The following ZNF423 variants were observed in gnomAD, a reference collection of about 807,000 sequenced individuals.
ZNF423 encodes zinc finger protein 423.
In ZNF423, 12 loss-of-function variants were observed where a neutral mutation model predicts 95.8. The ratio of observed to expected loss-of-function variants is 0.13; its 90% CI spans 0.08 to 0.20. The LOEUF (loss-of-function observed/expected upper bound fraction) is 0.20. ZNF423 is among the 10% of genes least tolerant of loss of function. ZNF423 has a pLI of 1.00. For synonymous variants in ZNF423, 749 were observed against 711.9 expected, an observed-to-expected ratio of 1.05 and a Z score of -0.83; for missense variants, 1,316 against 1,737.1, an observed-to-expected ratio of 0.76 and a Z score of 4.31.
At chr16:49,699,203 G>C (rs187032057) in intron 3 of ZNF423, among the ~76,000 whole-genome samples, 21 of 152,310 alleles carry the variant, frequency 1.4e-4, no homozygotes, top group Admixed American at 3.9e-4. Context: ...CTGACGTCAG[G>C]GGGTAATTGG....
At position 49,786,008 on chromosome 16, in the gene ZNF423, A is replaced by G. The variant is rs113046106; in HGVS notation, c.100+3479T>C. On this transcript the variant is annotated intron_variant, in intron 2 of 7. Transcript: ENST00000563137. The stretch of plus-strand genomic sequence containing the variant: ...ACCTGTGACTCAAAACAGGTTAAGA[A>G]CTCCTCCAGCTCCACACCTCCAAGG... Among the ~76,000 whole-genome samples, 475 of 151,800 alleles carry G rather than the reference A, an allele frequency of 3.1e-3. 4 individuals carry two copies. The highest frequency in any genetic ancestry group is 0.011 in the African/African-American group (458 of 41,348).
At chr16:49,683,781 A>G (rs2031460502) in intron 3 of ZNF423, among the ~76,000 whole-genome samples, 1 of 151,754 alleles carries the variant, frequency 6.6e-6, no homozygotes, top group East Asian at 1.9e-4. Context: ...TGTCTCTACA[A>G]AAAATTTAAA....
At position 49,638,761 on chromosome 16, in the gene ZNF423, C is replaced by G; in HGVS notation, c.415G>C (p.Glu139Gln). 6.2e-7 allele frequency: 1 copy of G among 1,614,152 alleles called. No individual in the cohort carries two copies. The highest frequency in any genetic ancestry group is 8.5e-7 in the Non-Finnish European group (1 of 1,180,046). The change falls in exon 4 of 8, where the codon GAA becomes CAA. Residue 139 changes from glutamate (E) to glutamine (Q), a missense_variant. Transcript: ENST00000563137. This position sits in a 1 kb window ranked among gnomAD's most constrained non-coding sequence, Gnocchi z 5.6. ...GGGTATGGCAGGCCCGTGCCCCCTT[C>G]CTCCTCGCCGAGGCCGAGGTCACAA... ...DGCDLGLGEE[E>Q]GGTGLPYPCQ... is the part of the protein sequence containing the mutation.
chr16:49,516,640 C>G (rs977110219), intron 7 of ZNF423, among the ~76,000 whole-genome samples: 9 of 152,228 alleles, frequency 5.9e-5, no homozygotes, highest in Non-Finnish European at 1.2e-4. Context: ...ACACTTCTAC[C>G]GACAGGGACC....
intron 3 of ZNF423, among the ~76,000 whole-genome samples, chr16:49,662,220 C>T (rs886321033): frequency 1.3e-5 from 2 of 152,182 alleles, no homozygotes; most frequent in Non-Finnish European, 2.9e-5. Context: ...CTCTGGTCCA[C>T]CCCAAAAAGT....
intron 5 of ZNF423, among the ~76,000 whole-genome samples, chr16:49,551,777 C>T (rs780195955): frequency 1.3e-5 from 2 of 152,164 alleles, no homozygotes; most frequent in Non-Finnish European, 2.9e-5. Context: ...GGAAGGGACA[C>T]CGAAAACGGG....
intron 3 of ZNF423, among the ~76,000 whole-genome samples, chr16:49,677,302 A>AAGG (rs1567284087): frequency 1.2e-4 from 9 of 75,062 alleles, no homozygotes; most frequent in Non-Finnish European, 1.9e-4. Flanking sequence ...AGAAGAGAAG[A>AAGG]GAAGAGAAAG....
At position 49,691,071 on chromosome 16, in the gene ZNF423, G is replaced by C. The variant is rs72780336; in HGVS notation, c.301+39700C>G. On this transcript the variant is annotated intron_variant, in intron 3 of 7. Transcript: ENST00000563137. ...TTCTCAGAAGCAGCCGTCGGAGGGG[G>C]CTGAGCGGCCCTTAGTGGGGAAGAA... 4.0e-3 allele frequency among the ~76,000 whole-genome samples: 610 copies of C among 152,364 alleles called. 4 individuals are homozygous for C. Among genetic ancestry groups the C allele is most frequent in the Non-Finnish European group, 7.6e-3 (517 of 68,034 alleles).
intron 3 of ZNF423, among the ~76,000 whole-genome samples, chr16:49,661,766 G>A (rs777917200): frequency 1.3e-5 from 2 of 152,182 alleles, no homozygotes; most frequent in Non-Finnish European, 2.9e-5. Context: ...GCTGCATTCC[G>A]GGGGCATCAG....
At chr16:49,693,018 A>G (rs910231189) in intron 3 of ZNF423, among the ~76,000 whole-genome samples, 5 of 152,286 alleles carry the variant, frequency 3.3e-5, no homozygotes, top group Admixed American at 6.5e-5. Context: ...GGCAAACATT[A>G]TGATGTATTC....
chr16:49,638,605 G>A lies in ZNF423; in HGVS notation c.571C>T (p.Arg191Trp). 1 of 1,613,858 alleles carries A rather than the reference G, an allele frequency of 6.2e-7. No homozygotes were observed. The highest frequency in any genetic ancestry group is 8.5e-7 in the Non-Finnish European group (1 of 1,179,950). Residue 191 changes from arginine (R) to tryptophan (W), a missense_variant, in exon 4 of 8, where the codon CGG becomes TGG. This residue lies in a region of ZNF423 where 58 missense variants were observed against 116.9 expected (regional missense o/e 0.50). Coordinates refer to ENST00000563137, the MANE Select transcript of ZNF423 (RefSeq NM_001379286.1). The surrounding 1 kb of genome is among the most constrained non-coding windows in gnomAD (Gnocchi z 5.6). The part of the protein sequence containing the change: ...RLFKHKRSRD[R>W]HIKLHTGDKK... ...TCGCCCGTATGCAGCTTGATGTGCC[G>A]GTCACGGCTCCTCTTGTGCTTGAAG...
At chr16:49,845,549 G>C (rs1243514169) in intron 1 of ZNF423, among the ~76,000 whole-genome samples, 3 of 150,108 alleles carry the variant, frequency 2.0e-5, no homozygotes, top group African/African-American at 7.4e-5. Flanking sequence ...GTTTTGGTTT[G>C]TTTTGTTTTG....
intron 7 of ZNF423, among the ~76,000 whole-genome samples, chr16:49,508,775 C>T (rs959928023): frequency 2.6e-5 from 4 of 152,082 alleles, no homozygotes; most frequent in African/African-American, 9.7e-5. Context: ...CCCTCCCTGC[C>T]CTAGACAATT....
At chr16:49,571,205 CT>C (rs1005957287) in intron 5 of ZNF423, among the ~76,000 whole-genome samples, 28 of 151,384 alleles carry the variant, frequency 1.8e-4, no homozygotes, top group African/African-American at 2.9e-4. Context: ...TACCTTGTAT[CT>C]TTTTTTTTAA....
Position 49,638,683 on chromosome 16 carries a change from C to T in ZNF423, c.493G>A (p.Glu165Lys), listed in dbSNP as rs1280922313. 3.1e-6 allele frequency: 5 copies of T among 1,613,996 alleles called. No individual in the cohort carries two copies. The highest frequency in any genetic ancestry group is 3.3e-5 in the Admixed American group (2 of 60,008). ...GGCAGCTTGTCGCTGTGGATCTGCT[C>T]GTGCCTCTTCAAGTAGCTCAAGCGG... The part of the protein sequence containing the change: ...FIRLSYLKRH[E>K]QIHSDKLPFK... Residue 165 changes from glutamate to lysine, a missense_variant, in exon 4 of 8, where the codon GAG (glutamate) becomes AAG (lysine). Glu to Lys is a moderately conservative substitution (Grantham distance 56). Around this residue, in one of 6 missense-constraint regions of ZNF423, gnomAD observed 58 missense variants for 116.9 expected, o/e 0.50. Coordinates refer to ENST00000563137, the MANE Select transcript of ZNF423 (RefSeq NM_001379286.1). The surrounding 1 kb of genome is among the most constrained non-coding windows in gnomAD (Gnocchi z 5.6).
intron 2 of ZNF423, among the ~76,000 whole-genome samples, chr16:49,758,278 A>C (rs766132516): frequency 8.2e-4 from 125 of 152,228 alleles, no homozygotes; most frequent in Middle Eastern, 3.4e-3. Flanking sequence ...AGCTGGGATT[A>C]TAGGCACCCG....
chr16:49,561,148 T>C (rs566657811), intron 5 of ZNF423, among the ~76,000 whole-genome samples: 16 of 152,362 alleles, frequency 1.1e-4, no homozygotes, highest in South Asian at 8.3e-4. Context: ...AGCCAGTTCA[T>C]ACTGACTCCT....
At chr16:49,840,406 C>T (rs1464478543) in intron 1 of ZNF423, among the ~76,000 whole-genome samples, 1 of 152,210 alleles carries the variant, frequency 6.6e-6, no homozygotes, top group Non-Finnish European at 1.5e-5. Context: ...TTCCCATCCT[C>T]ACAACCACAA....
intron 1 of ZNF423, among the ~76,000 whole-genome samples, chr16:49,822,147 C>T (rs944739017): frequency 1.8e-4 from 28 of 151,374 alleles, no homozygotes; most frequent in Non-Finnish European, 1.3e-4. Flanking sequence ...AATGACAACC[C>T]GTTTGCCTAA....
Sources: gnomAD v4.1 joint callset for allele counts (sites outside exome capture counted in the v4.1 genomes callset) on GRCh38, gnomAD v4.1.1 for gene constraint, gnomAD v4.1.1 regional missense constraint, Gnocchi (gnomAD v3.1) non-coding constraint, MANE v1.5 for transcripts, NCBI Gene and HGNC (gene_info 2026-07-23, HGNC 2026-07-21) for gene names.